TXNL4A: variants seen among roughly 807,000 people sequenced by gnomAD.
TXNL4A encodes thioredoxin-like protein 4A.
A neutral mutation model predicts 14.6 loss-of-function variants in TXNL4A; 17 were observed. The ratio of observed to expected loss-of-function variants is 1.16; its 90% CI spans 0.80 to 1.74. The LOEUF (loss-of-function observed/expected upper bound fraction) is 1.74. TXNL4A is among the 40% of genes most tolerant of loss of function. The probability of loss-of-function intolerance (pLI) is 0.00; values close to 1 mark genes in which losing one functional copy is unlikely to be tolerated. For missense variants in TXNL4A, 74 were observed against 195.2 expected (o/e 0.38, Z 3.70); for synonymous variants, 83 against 70.6 (o/e 1.18, Z -0.88).
At chr18:79,990,974 G>A (rs2051623795), upstream of TXNL4A, among the ~76,000 whole-genome samples, 1 of 152,032 alleles carries the variant, frequency 6.6e-6, no homozygotes, top group African/African-American at 2.4e-5. Context: ...CGGGCGCGGT[G>A]GCGGGCGCCT....
At chr18:80,019,669 C>T (rs185968058) in intron 1 of TXNL4A, among the ~76,000 whole-genome samples, 7 of 152,296 alleles carry the variant, frequency 4.6e-5, no homozygotes, top group Admixed American at 3.9e-4. Context: ...TTTGGTGTCA[C>T]CCTTGTTCCT....
chr18:80,016,681 A>G (rs1191291437), intron 1 of TXNL4A, among the ~76,000 whole-genome samples: 1 of 152,002 alleles, frequency 6.6e-6, no homozygotes, highest in Non-Finnish European at 1.5e-5. Flanking sequence ...GTAGATATGC[A>G]GCGTTATTTC....
intron 1 of TXNL4A, among the ~76,000 whole-genome samples, chr18:80,012,702 T>C (rs1039849273): frequency 2.6e-5 from 4 of 152,244 alleles, no homozygotes; most frequent in African/African-American, 7.2e-5. Context: ...AGAATCTTTT[T>C]GGCAAATAGA....
chr18:80,002,225 A>C (rs557466169), intron 1 of TXNL4A, among the ~76,000 whole-genome samples: 1 of 152,314 alleles, frequency 6.6e-6, no homozygotes, highest in African/African-American at 2.4e-5. Flanking sequence ...CAAACAGTAC[A>C]GATTTCAACA....
chr18:80,029,467 A>G (rs1244237210), intron 1 of TXNL4A, among the ~76,000 whole-genome samples: 3 of 152,210 alleles, frequency 2.0e-5, no homozygotes, highest in African/African-American at 7.2e-5. Flanking sequence ...CCTGCAGGCA[A>G]GCCACAGCCA....
intron 1 of TXNL4A, among the ~76,000 whole-genome samples, chr18:80,017,432 T>A (rs1238899041): frequency 2.6e-5 from 4 of 151,748 alleles, no homozygotes; most frequent in Non-Finnish European, 3.0e-5. Flanking sequence ...GGCATCCCTG[T>A]CTTGTGCCAA....
intron 1 of TXNL4A, among the ~76,000 whole-genome samples, chr18:79,980,889 T>C (rs570492880): frequency 6.6e-6 from 1 of 152,320 alleles, no homozygotes; most frequent in South Asian, 2.1e-4. Context: ...GATGTTTGCA[T>C]TAGACATGGG....
intron 1 of TXNL4A, among the ~76,000 whole-genome samples, chr18:80,000,836 T>C (rs999823964): frequency 6.6e-6 from 1 of 152,172 alleles, no homozygotes. Flanking sequence ...GTATTTTTAG[T>C]AGAGACGGGG....
At chr18:79,989,951 G>A (rs1198541808), upstream of TXNL4A, among the ~76,000 whole-genome samples, 3 of 152,178 alleles carry the variant, frequency 2.0e-5, no homozygotes, top group Non-Finnish European at 4.4e-5. Context: ...AGCTGAGATC[G>A]CACCACTTCA....
chr18:79,980,602 G>A (rs1391750285), intron 1 of TXNL4A, among the ~76,000 whole-genome samples: 1 of 152,160 alleles, frequency 6.6e-6, no homozygotes, highest in African/African-American at 2.4e-5. Flanking sequence ...CCATGGAGCA[G>A]GGTGGGGAGA....
chr18:80,001,051 GT>G (rs2051695422), intron 1 of TXNL4A, among the ~76,000 whole-genome samples: 1 of 152,346 alleles, frequency 6.6e-6, no homozygotes, highest in East Asian at 1.9e-4. Context: ...AGGAAAAAAT[GT>G]TTTTTGGTGC....
At chr18:79,989,004 C>T (rs547026215), upstream of TXNL4A, among the ~76,000 whole-genome samples, 6 of 152,336 alleles carry the variant, frequency 3.9e-5, no homozygotes, top group South Asian at 1.2e-3. Flanking sequence ...TGTTGCCATA[C>T]CCAACCACAG....
intron 1 of TXNL4A, among the ~76,000 whole-genome samples, chr18:80,023,224 G>A (rs2051861648): frequency 6.6e-6 from 1 of 152,218 alleles, no homozygotes. Flanking sequence ...TTGAAGCTAA[G>A]ACCTGTTTTA....
At chr18:80,001,685 G>C (rs564480648) in intron 1 of TXNL4A, among the ~76,000 whole-genome samples, 17 of 152,336 alleles carry the variant, frequency 1.1e-4, no homozygotes, top group Middle Eastern at 3.4e-3. Flanking sequence ...TGCCCCACTG[G>C]ATTTCGGACT....
Position 79,972,862 on chromosome 18 carries a change from TC to T in TXNL4A, c.*822del, listed in dbSNP as rs2051319128. On this transcript the variant is annotated 3_prime_UTR_variant, in exon 3 of 3. Coordinates refer to ENST00000269601, the MANE Select transcript of TXNL4A (RefSeq NM_006701.5). ...TCTTGGGAAGAATAAAAAATAGCTC[TC>T]CTATTCCTTACAGGGAAGGCTATAA... 1 of 152,334 alleles carries T rather than the reference TC, an allele frequency of 6.6e-6. No individual in the cohort carries two copies. 9.4% of individuals were successfully genotyped at this position (152,334 alleles called of 1,614,324 possible).
chr18:80,003,457 A>T (rs939366089), intron 1 of TXNL4A, among the ~76,000 whole-genome samples: 2 of 152,204 alleles, frequency 1.3e-5, no homozygotes, highest in Admixed American at 6.5e-5. Context: ...TTCCTTTGGA[A>T]TTGTGAGTTT....
At chr18:79,992,119 A>G (rs529808782), upstream of TXNL4A, among the ~76,000 whole-genome samples, 1 of 152,350 alleles carries the variant, frequency 6.6e-6, no homozygotes, top group East Asian at 1.9e-4. Context: ...TCAGCTGTGC[A>G]TCTGTCTCAG....
At chr18:80,016,459 A>G (rs556716451) in intron 1 of TXNL4A, among the ~76,000 whole-genome samples, 1 of 151,404 alleles carries the variant, frequency 6.6e-6, no homozygotes, top group African/African-American at 2.4e-5. Context: ...CTGAATGGTA[A>G]TGCCTAGGTT....
intron 1 of TXNL4A, among the ~76,000 whole-genome samples, chr18:80,018,069 A>G (rs1025722997): frequency 1.1e-4 from 16 of 152,050 alleles, no homozygotes; most frequent in African/African-American, 3.9e-4. Context: ...CAGAGATTCA[A>G]CTTCTTCCTG....
Sources: gnomAD v4.1 joint callset for allele counts (sites outside exome capture counted in the v4.1 genomes callset) on GRCh38, gnomAD v4.1.1 for gene constraint, MANE v1.5 for transcripts, NCBI Gene and HGNC (gene_info 2026-07-23, HGNC 2026-07-21) for gene names.